The following RBBP8 variants were observed in gnomAD, a reference collection of about 807,000 sequenced individuals.
RBBP8 encodes RB binding protein 8, endonuclease.
Under a neutral mutation model 108.3 loss-of-function variants are expected in RBBP8, and 88 were observed. That is an observed-to-expected ratio of 0.81 (90% CI 0.68 to 0.97). The LOEUF (loss-of-function observed/expected upper bound fraction) is 0.97, where lower values mean the gene tolerates loss of function less well. RBBP8 is among the 50% of genes least tolerant of loss of function. The pLI is 0.00. For missense variants in RBBP8, 1,023 were observed against 1,049.0 expected, an observed-to-expected ratio of 0.98 and a Z score of 0.34; for synonymous variants, 332 against 348.2, an observed-to-expected ratio of 0.95 and a Z score of 0.52.
intron 16 of RBBP8, among the ~76,000 whole-genome samples, chr18:23,010,366 C>T (rs1020652225): frequency 1.3e-5 from 2 of 152,174 alleles, no homozygotes; most frequent in Admixed American, 6.5e-5. Context: ...CTTCAAGAGG[C>T]TTTGGCGGAA....
intron 15 of RBBP8, among the ~76,000 whole-genome samples, chr18:23,005,963 G>A (rs1173880335): frequency 1.3e-5 from 2 of 151,890 alleles, no homozygotes; most frequent in Non-Finnish European, 2.9e-5. Flanking sequence ...GAGGCGGGCG[G>A]ATCATGAGGT....
upstream of RBBP8, among the ~76,000 whole-genome samples, chr18:22,928,526 C>A (rs1184409435): frequency 1.3e-5 from 2 of 152,048 alleles, no homozygotes; most frequent in Admixed American, 1.3e-4. Flanking sequence ...AAGAGTAAGA[C>A]ACAGCCAAGG....
In RBBP8 at chr18:22,993,538, A is replaced by G; in HGVS notation, c.1711A>G (p.Asn571Asp). The change falls in exon 11 of 19, where the codon AAT becomes GAT. Residue 571 changes from asparagine to aspartate, a missense_variant. By Grantham distance (23) the Asn-to-Asp change is conservative (BLOSUM62 1). Coordinates refer to ENST00000327155, the MANE Select transcript of RBBP8 (RefSeq NM_002894.3). The stretch of plus-strand genomic sequence containing the variant: ...GCCCTTGAATAAATGCTCTCCAGAC[A>G]ATAAACCATCATTACAAATAAAAGA... ...LQPLNKCSPD[N>D]KPSLQIKEEN... is the part of the protein sequence containing the mutation. 6.2e-7 allele frequency: 1 copy of G among 1,613,534 alleles called. No homozygotes were observed. The highest frequency in any genetic ancestry group is 1.7e-5 in the Admixed American group (1 of 59,820).
chr18:22,938,160 C>T (rs1910741388), intron 2 of RBBP8, among the ~76,000 whole-genome samples: 1 of 152,006 alleles, frequency 6.6e-6, no homozygotes, highest in Non-Finnish European at 1.5e-5. Flanking sequence ...GAGACAGGGT[C>T]TTGCTTTGTC....
intron 15 of RBBP8, among the ~76,000 whole-genome samples, chr18:23,005,526 C>A (rs925111021): frequency 6.6e-6 from 1 of 152,116 alleles, no homozygotes; most frequent in African/African-American, 2.4e-5. Context: ...GATTCTCCTG[C>A]CTCAGCCTCC....
At position 22,942,486 on chromosome 18, in the gene RBBP8, A is replaced by G. The variant is rs531922926; in HGVS notation, c.110-3958A>G. 5.9e-5 allele frequency among the ~76,000 whole-genome samples: 9 copies of G among 152,260 alleles called. No homozygotes were observed. In the East Asian group the frequency reaches 1.5e-3, roughly 26 times the overall value. On this transcript the variant is annotated intron_variant, in intron 2 of 18. Transcript: ENST00000327155. ...CTCTAATTTCTGTTGGAGACTAGCA[A>G]TATGCAAACCAGACCATTTTTGTTG...
Position 22,996,446 on chromosome 18 carries a change from C to T in RBBP8, c.2012C>T (p.Thr671Ile). The stretch of plus-strand genomic sequence containing the variant: ...CTTTCTCAGTATAAAATGGATGTTA[C>T]TGTAATAGATACAAAGGTAAGTTAA... ...ADLSQYKMDV[T>I]VIDTKDGSQS... The change falls in exon 13 of 19, where the codon ACT (threonine) becomes ATT (isoleucine). Residue 671 changes from threonine to isoleucine, a missense_variant. Transcript: ENST00000327155. The T allele has an allele frequency of 6.2e-7, 1 of 1,613,518 alleles. No individual in the cohort carries two copies. Among genetic ancestry groups the T allele is most frequent in the African/African-American group, 1.3e-5 (1 of 74,986 alleles).
chr18:22,997,473 G>A lies in RBBP8; in HGVS notation c.2029-147G>A, dbSNP rs55990829. 84,215 of 641,780 alleles carry A rather than the reference G, an allele frequency of 0.13. 7,034 individuals are homozygous for A. The highest frequency in any genetic ancestry group is 0.32 in the African/African-American group (17,320 of 54,408). 39.8% of individuals were successfully genotyped at this position (641,780 alleles called of 1,614,324 possible). ...GTAAAACCTAAATCCTTACCTGTTC[G>A]TAAAGTATAAAAGCAAATATAGCTT... On this transcript the variant is annotated intron_variant, in intron 13 of 18. Transcript: ENST00000327155.
At chr18:22,935,834 T>C (rs1377288719) in intron 1 of RBBP8, among the ~76,000 whole-genome samples, 2 of 152,242 alleles carry the variant, frequency 1.3e-5, no homozygotes, top group African/African-American at 4.8e-5. Flanking sequence ...ACCTTTATTC[T>C]AAGAGAGGCA....
intron 4 of RBBP8, among the ~76,000 whole-genome samples, chr18:22,955,744 A>T (rs1598659686): frequency 6.6e-6 from 1 of 150,876 alleles, no homozygotes; most frequent in Non-Finnish European, 1.5e-5. Flanking sequence ...CGCCCGGCTA[A>T]TTTTTTTTTG....
intron 15 of RBBP8, chr18:23,004,651 G>GT (rs1419534100): frequency 6.6e-6 from 1 of 152,208 alleles, no homozygotes; most frequent in Non-Finnish European, 1.5e-5. Context: ...GAGTAGTGCT[G>GT]TATTGGAGTT....
At chr18:22,997,542 A>T in intron 13 of RBBP8, 78 bp from the exon 14 acceptor site, 1 of 930,116 alleles carries the variant, frequency 1.1e-6, no homozygotes, top group Non-Finnish European at 1.7e-6. Flanking sequence ...TATTTTACCA[A>T]AATGTTTTGT....
At chr18:23,004,051 C>T (rs1211011134) in intron 15 of RBBP8, among the ~76,000 whole-genome samples, 4 of 122,588 alleles carry the variant, frequency 3.3e-5, no homozygotes, top group Non-Finnish European at 6.6e-5. Context: ...CGCAAGACCC[C>T]GTCTCAAAAA....
chr18:23,001,369 T>C (rs1219873371), intron 14 of RBBP8, among the ~76,000 whole-genome samples: 1 of 152,232 alleles, frequency 6.6e-6, no homozygotes, highest in Non-Finnish European at 1.5e-5. Context: ...GTAACATAGA[T>C]AAACACGTGT....
chr18:22,937,112 G>C (rs752567737), intron 2 of RBBP8, 152 bp downstream of exon 2: 2 of 1,442,242 alleles, frequency 1.4e-6, no homozygotes, highest in Non-Finnish European at 9.2e-7. Flanking sequence ...TAGATTGCAT[G>C]TTGCTGGGGT....
intron 13 of RBBP8, 130 bp downstream of exon 13, chr18:22,996,592 CA>C (rs1339869831): frequency 3.5e-6 from 5 of 1,431,696 alleles, no homozygotes. Flanking sequence ...TGTATTTATG[CA>C]GAAAATTAAG....
chr18:23,001,138 CACTT>C, intron 14 of RBBP8, among the ~76,000 whole-genome samples: 1 of 152,156 alleles, frequency 6.6e-6, no homozygotes. Context: ...GTTTGTTACT[CACTT>C]ATATTCACTG....
intron 4 of RBBP8, among the ~76,000 whole-genome samples, chr18:22,953,359 A>G (rs1035360094): frequency 3.3e-5 from 5 of 152,210 alleles, no homozygotes; most frequent in African/African-American, 1.2e-4. Context: ...TGGCCAACTT[A>G]TATTGACTTC....
chr18:23,016,113 T>C (rs1260352421), intron 16 of RBBP8, among the ~76,000 whole-genome samples: 1 of 152,196 alleles, frequency 6.6e-6, no homozygotes, highest in Non-Finnish European at 1.5e-5. Context: ...TTTTGTCACG[T>C]TGGCCAGGCT....
Sources: gnomAD v4.1 joint callset for allele counts (sites outside exome capture counted in the v4.1 genomes callset) on GRCh38, gnomAD v4.1.1 for gene constraint, MANE v1.5 for transcripts, NCBI Gene and HGNC (gene_info 2026-07-23, HGNC 2026-07-21) for gene names.